MTCL1: variants seen among roughly 807,000 people sequenced by gnomAD.
MTCL1 encodes the protein microtubule crosslinking factor 1, also known as microtubule cross-linking factor 1.
Under a neutral mutation model 141.4 loss-of-function variants are expected in MTCL1, and 79 were observed. The ratio of observed to expected loss-of-function variants is 0.56; its 90% confidence interval spans 0.47 to 0.67. The LOEUF is 0.67. MTCL1 is among the 30% of genes least tolerant of loss of function. The pLI, the probability that MTCL1 is intolerant of heterozygous loss-of-function variation, is 0.00. For synonymous variants in MTCL1, 914 were observed against 875.8 expected, an observed-to-expected ratio of 1.04 and a Z score of -0.77; for missense variants, 2,177 against 2,113.9, an observed-to-expected ratio of 1.03 and a Z score of -0.59.
intron 4 of MTCL1, among the ~76,000 whole-genome samples, chr18:8,747,985 C>T (rs894628644): frequency 6.6e-6 from 1 of 152,190 alleles, no homozygotes; most frequent in African/African-American, 2.4e-5. Context: ...TTGTCACCCA[C>T]ACACCTAAGC....
chr18:8,739,370 G>A (rs2096289992), intron 4 of MTCL1, among the ~76,000 whole-genome samples: 1 of 152,216 alleles, frequency 6.6e-6, no homozygotes, highest in South Asian at 2.1e-4. Flanking sequence ...TGGGGTGGGC[G>A]TGCATGCGCG....
At chr18:8,720,271 G>A in intron 3 of MTCL1, 67 bp from the exon 3 acceptor site, 1 of 1,528,360 alleles carries the variant, frequency 6.5e-7, no homozygotes, top group Non-Finnish European at 9.0e-7. Context: ...CTCTGATGTT[G>A]TCTGATAGTA....
chr18:8,831,443 T>C (rs2077188575), intron 16 of MTCL1, 164 bp from the exon 15 acceptor site: 3 of 1,432,416 alleles, frequency 2.1e-6, no homozygotes, highest in Non-Finnish European at 2.7e-6. Flanking sequence ...TTCTTTATTA[T>C]TTTAAGTTAT....
At chr18:8,734,850 G>T (rs1162405838) in intron 4 of MTCL1, among the ~76,000 whole-genome samples, 2 of 152,176 alleles carry the variant, frequency 1.3e-5, no homozygotes, top group Admixed American at 1.3e-4. Flanking sequence ...AGGCATCTGT[G>T]GTTTTTAGAA....
chr18:8,714,674 G>A (rs1004241743), upstream of MTCL1, among the ~76,000 whole-genome samples: 5 of 152,292 alleles, frequency 3.3e-5, no homozygotes, highest in East Asian at 1.9e-4. Context: ...ACCCGCCCCC[G>A]TGATTCAGTT....
Position 8,806,630 on chromosome 18 carries a change from G to A in MTCL1, c.2437-263G>A, listed in dbSNP as rs111519062. Among the ~76,000 whole-genome samples the A allele has an allele frequency of 6.9e-3, 1,045 of 152,244 alleles. 11 individuals carry two copies. Among genetic ancestry groups the A allele is most frequent in the African/African-American group, 0.023 (973 of 41,528 alleles). Reference sequence around the variant, plus strand: ...CAGGTTCCGGCGTCTGAACACAGCTGCCAGGTCACCAGGGCAGCCTTCCTT... The same window carrying A: ...CAGGTTCCGGCGTCTGAACACAGCTACCAGGTCACCAGGGCAGCCTTCCTT... On this transcript the variant is annotated intron_variant, in intron 10 of 16. Coordinates refer to ENST00000359865, the Ensembl canonical transcript of MTCL1.
At chr18:8,805,339 A>G (rs892480259) in intron 10 of MTCL1, among the ~76,000 whole-genome samples, 1 of 152,160 alleles carries the variant, frequency 6.6e-6, no homozygotes, top group South Asian at 2.1e-4. Flanking sequence ...GCTCCCACAT[A>G]TAAGTGAGAA....
At chr18:8,823,015 C>T (rs2076895674) in intron 14 of MTCL1, among the ~76,000 whole-genome samples, 1 of 151,266 alleles carries the variant, frequency 6.6e-6, no homozygotes, top group Admixed American at 6.6e-5. Flanking sequence ...CAGAGTAAGA[C>T]TCCGTCTCAA....
intron 10 of MTCL1, among the ~76,000 whole-genome samples, chr18:8,802,927 C>T (rs2076169872): frequency 6.6e-6 from 1 of 152,142 alleles, no homozygotes; most frequent in Non-Finnish European, 1.5e-5. Flanking sequence ...TCCAAGAAGA[C>T]TTGCATCATA....
At chr18:8,738,941 A>T (rs1278342112) in intron 4 of MTCL1, among the ~76,000 whole-genome samples, 2 of 151,652 alleles carry the variant, frequency 1.3e-5, no homozygotes. Flanking sequence ...TTGTTCATCT[A>T]AAAAAAATCA....
intron 4 of MTCL1, among the ~76,000 whole-genome samples, chr18:8,721,786 C>A (rs1473854187): frequency 2.0e-5 from 3 of 152,186 alleles, no homozygotes; most frequent in African/African-American, 7.2e-5. Flanking sequence ...TGTCTTTTAT[C>A]CGTCCCCTCC....
intron 4 of MTCL1, among the ~76,000 whole-genome samples, chr18:8,751,901 G>A (rs538730502): frequency 2.6e-5 from 4 of 152,308 alleles, no homozygotes; most frequent in South Asian, 2.1e-4. Context: ...CAGCGGTGAC[G>A]CGGAAAAGAA....
At chr18:8,819,123 C>A (rs780203336) in exon 13 of MTCL1, 1 of 1,614,232 alleles carries the variant, frequency 6.2e-7, no homozygotes, top group Non-Finnish European at 8.5e-7. Flanking sequence ...GAAGACCGGC[C>A]GCTGTCCAAG....
At chr18:8,774,038 AG>A (rs2096495196) in intron 4 of MTCL1, among the ~76,000 whole-genome samples, 1 of 152,194 alleles carries the variant, frequency 6.6e-6, no homozygotes, top group Admixed American at 6.5e-5. Flanking sequence ...AGGCCCCAAC[AG>A]TTTGTCACTA....
rs974188373 is a variant in MTCL1 at position 8,705,940 on chromosome 18, C to T, written c.280C>T (p.Pro94Ser). Residue 94 changes from proline to serine, a missense_variant, in exon 1 of 14, where the codon CCC becomes TCC. Transcript: ENST00000306329. The surrounding 1 kb of genome is among the most constrained non-coding windows in gnomAD (Gnocchi z 5.2). ...GCCCTCGCCGGGGTCCCTGGCCGCGCCCGGCCGCCTCTCTCGGCGCAGTGG... is the reference window on the plus strand; with the variant it reads ...GCCCTCGCCGGGGTCCCTGGCCGCGTCCGGCCGCCTCTCTCGGCGCAGTGG... 1.8e-4 allele frequency: 200 copies of T among 1,091,250 alleles called. 1 individual carries two copies. The highest frequency in any genetic ancestry group is 2.1e-4 in the Non-Finnish European group (186 of 900,546). 67.6% of individuals were successfully genotyped at this position (1,091,250 alleles called of 1,614,324 possible).
chr18:8,813,183 C>G, exon 12 of MTCL1: 1 of 1,613,368 alleles, frequency 6.2e-7, no homozygotes, highest in Non-Finnish European at 8.5e-7. Flanking sequence ...GGACAGAGAT[C>G]GGCAGGAGTG....
At chr18:8,736,222 C>G (rs912195255) in intron 4 of MTCL1, among the ~76,000 whole-genome samples, 1 of 152,130 alleles carries the variant, frequency 6.6e-6, no homozygotes, top group African/African-American at 2.4e-5. Context: ...AACATGCAGC[C>G]TGATTTCAGA....
At chr18:8,724,698 C>G (rs2096196438) in intron 4 of MTCL1, among the ~76,000 whole-genome samples, 1 of 152,180 alleles carries the variant, frequency 6.6e-6, no homozygotes, top group South Asian at 2.1e-4. Flanking sequence ...TTGGGTTTCC[C>G]ACTCCAGGGC....
chr18:8,823,210 T>C (rs759990992), intron 14 of MTCL1, among the ~76,000 whole-genome samples: 1 of 152,162 alleles, frequency 6.6e-6, no homozygotes, highest in Non-Finnish European at 1.5e-5. Flanking sequence ...TTTCTCATCA[T>C]GGTTTTGTTT....
Sources: allele counts gnomAD v4.1 joint callset (sites outside exome capture counted in the v4.1 genomes callset), GRCh38; gene constraint gnomAD v4.1.1; non-coding constraint Gnocchi (gnomAD v3.1); transcripts MANE v1.5; gene names NCBI Gene and HGNC (gene_info 2026-07-23, HGNC 2026-07-21).